The following SLC12A3 variants were observed in gnomAD, a reference collection of about 807,000 sequenced individuals.
The protein encoded by SLC12A3 is solute carrier family 12 member 3, also known as Na-Cl cotransporter.
SLC12A3 carries 104 observed loss-of-function variants against 121.0 expected under a neutral mutation model. That is an observed-to-expected ratio of 0.86 (90% CI 0.73 to 1.01). SLC12A3 has a LOEUF of 1.01. Ranked by LOEUF, SLC12A3 falls within the 50% of genes least tolerant of loss-of-function variation. SLC12A3 has a pLI of 0.00. For missense variants in SLC12A3, 1,328 were observed against 1,356.3 expected, an observed-to-expected ratio of 0.98 and a Z score of 0.33; for synonymous variants, 536 against 533.4, an observed-to-expected ratio of 1.00 and a Z score of -0.07.
chr16:56,866,444 G>A (rs1964358632), intron 1 of SLC12A3, among the ~76,000 whole-genome samples: 1 of 152,190 alleles, frequency 6.6e-6, no homozygotes, highest in Admixed American at 6.5e-5. Flanking sequence ...CACAAACTAG[G>A]AGACCTCCCA....
intron 1 of SLC12A3, among the ~76,000 whole-genome samples, chr16:56,865,830 T>C (rs2144679289): frequency 6.6e-6 from 1 of 152,174 alleles, no homozygotes; most frequent in South Asian, 2.1e-4. Context: ...CCTGGGAAGG[T>C]TCACCTCAGA....
chr16:56,887,798 A>ATATATATATATATATATATATATTTTT (rs1433682477), intron 17 of SLC12A3, 127 bp from the exon 18 acceptor site: 2 of 68,456 alleles, frequency 2.9e-5, no homozygotes, highest in Non-Finnish European at 2.9e-5. Flanking sequence ...ATATATATAT[A>ATATATATATATATATATATATATTTTT]TTTTTTTTTT....
chr16:56,913,737 G>A lies in SLC12A3; in HGVS notation c.*332G>A. The A allele has an allele frequency of 2.8e-6, 1 of 360,536 alleles. No homozygotes were observed. The highest frequency in any genetic ancestry group is 5.3e-6 in the Non-Finnish European group (1 of 186,994). 22.3% of individuals were successfully genotyped at this position (360,536 alleles called of 1,614,324 possible). On this transcript the variant is annotated 3_prime_UTR_variant, in exon 26 of 26. Transcript: ENST00000563236. ...CAGTCTTTGATTTGTATGCAAATTG[G>A]AGTCCCAATGCTGGGCGTGAATCTT...
chr16:56,869,397 G>A lies in SLC12A3; in HGVS notation c.506-332G>A, dbSNP rs1028582241. On this transcript the variant is annotated intron_variant, in intron 3 of 25. Coordinates refer to ENST00000563236, the MANE Select transcript of SLC12A3 (RefSeq NM_001126108.2). ...GGCTGGAGTGCAGTCGCGTGGTCTC[G>A]GCTCACTGCAACCTCCGCCTCCTGG... 7.2e-5 allele frequency among the ~76,000 whole-genome samples: 11 copies of A among 151,980 alleles called. No homozygotes were observed. The East Asian group carries it at 9.7e-4, about 13-fold the overall frequency.
chr16:56,896,540 G>C (rs1490089813), intron 22 of SLC12A3, among the ~76,000 whole-genome samples: 1 of 152,130 alleles, frequency 6.6e-6, no homozygotes, highest in South Asian at 2.1e-4. Flanking sequence ...TGAGGCCAAG[G>C]GTTTGAGACC....
intron 13 of SLC12A3, 140 bp downstream of exon 13, chr16:56,882,637 TTAATA>T: frequency 1.4e-6 from 1 of 729,684 alleles, no homozygotes. Flanking sequence ...AAAGGGAACA[TTAATA>T]TAATAATAGC....
chr16:56,868,479 T>C, intron 3 of SLC12A3, 107 bp downstream of exon 3: 1 of 1,159,292 alleles, frequency 8.6e-7, no homozygotes, highest in African/African-American at 1.5e-5. Context: ...GGATTAAACT[T>C]GAGGTGCAGA....
intron 21 of SLC12A3, among the ~76,000 whole-genome samples, chr16:56,894,272 T>C (rs528952562): frequency 2.6e-5 from 4 of 152,292 alleles, no homozygotes; most frequent in African/African-American, 9.6e-5. Context: ...CCCATAGTGC[T>C]GGGATTATAG....
intron 9 of SLC12A3, among the ~76,000 whole-genome samples, chr16:56,878,629 T>C (rs1045093670): frequency 1.3e-5 from 2 of 152,098 alleles, no homozygotes; most frequent in African/African-American, 4.8e-5. Flanking sequence ...AGCCACTGAA[T>C]GGTGGAGCCA....
At chr16:56,895,358 GT>G (rs1246719599) in intron 22 of SLC12A3, among the ~76,000 whole-genome samples, 1 of 150,570 alleles carries the variant, frequency 6.6e-6, no homozygotes, top group East Asian at 1.9e-4. Context: ...TGCCCAGATA[GT>G]TTTTTTGTAT....
intron 18 of SLC12A3, among the ~76,000 whole-genome samples, chr16:56,888,461 G>A (rs930282002): frequency 7.2e-5 from 11 of 152,074 alleles, no homozygotes; most frequent in African/African-American, 2.7e-4. Context: ...GCAACCCAGA[G>A]AGAGTGGCTC....
rs776005803 is a variant in SLC12A3, at chr16:56,880,112, C to T, written c.1444-18C>T. The T allele has an allele frequency of 1.9e-5, 30 of 1,599,584 alleles. No homozygotes were observed. Among genetic ancestry groups the T allele is most frequent in the African/African-American group, 2.7e-5 (2 of 74,866 alleles). On this transcript the variant is annotated intron_variant, in intron 11 of 25. Transcript: ENST00000563236. ...GCAGGTCCCAGCCTAAGGGTGAGTG[C>T]GGCATCTGGTGCTGCAGTGCCTTTG...
At chr16:56,896,050 G>C (rs974006889) in intron 22 of SLC12A3, among the ~76,000 whole-genome samples, 1 of 152,182 alleles carries the variant, frequency 6.6e-6, no homozygotes, top group Non-Finnish European at 1.5e-5. Flanking sequence ...CCATGCACCC[G>C]GTTCCTAACA....
chr16:56,882,450 C>T lies in SLC12A3; in HGVS notation c.1622C>T (p.Ala541Val). The change falls in exon 13 of 26, where the codon GCC (alanine) becomes GTC (valine). Residue 541 changes from alanine to valine, a missense_variant. Physicochemically the swap from Ala to Val is moderately conservative, Grantham distance 64 (BLOSUM62 0). Transcript: ENST00000563236. ...IISNFFLCSY[A>V]LINFSCFHAS... The stretch of plus-strand genomic sequence containing the variant: ...TCCAACTTCTTCCTCTGCTCCTATG[C>T]CCTCATCAACTTCAGCTGCTTCCAC... The T allele has an allele frequency of 3.1e-6, 5 of 1,614,076 alleles. No homozygotes were observed. The highest frequency in any genetic ancestry group is 4.2e-6 in the Non-Finnish European group (5 of 1,179,998).
intron 2 of SLC12A3, among the ~76,000 whole-genome samples, chr16:56,867,634 G>A (rs1056638490): frequency 6.6e-6 from 1 of 152,176 alleles, no homozygotes; most frequent in Non-Finnish European, 1.5e-5. Flanking sequence ...CAGGAGGCTG[G>A]GGTTCTGATC....
At chr16:56,887,171 C>T (rs2055325970) in intron 17 of SLC12A3, 78 bp downstream of exon 17, 2 of 1,596,886 alleles carry the variant, frequency 1.3e-6, no homozygotes, top group East Asian at 4.5e-5. Flanking sequence ...CTTGGCGGCC[C>T]CTTTGCTTAA....
chr16:56,901,902 C>T (rs371185675), intron 23 of SLC12A3, among the ~76,000 whole-genome samples: 1 of 152,224 alleles, frequency 6.6e-6, no homozygotes, highest in Non-Finnish European at 1.5e-5. Context: ...CCCCCTGTCC[C>T]GTGCATGGCT....
chr16:56,901,347 C>CTCTTTTTTTT (rs1555502273), intron 23 of SLC12A3, among the ~76,000 whole-genome samples: 2 of 128,886 alleles, frequency 1.6e-5, no homozygotes, highest in East Asian at 2.2e-4. Context: ...CTCTCTCTCT[C>CTCTTTTTTTT]TTTTTTTTTT....
chr16:56,910,053 T>A (rs1273209217), intron 25 of SLC12A3, among the ~76,000 whole-genome samples: 2 of 138,108 alleles, frequency 1.4e-5, no homozygotes, highest in Non-Finnish European at 2.9e-5. Flanking sequence ...AGACACCTCT[T>A]TTTTTTCTAA....
Sources: allele counts gnomAD v4.1 joint callset (sites outside exome capture counted in the v4.1 genomes callset), GRCh38; gene constraint gnomAD v4.1.1; transcripts MANE v1.5; gene names NCBI Gene and HGNC (gene_info 2026-07-23, HGNC 2026-07-21).